The following CYP39A1 variants were observed in gnomAD, a reference collection of about 807,000 sequenced individuals.
CYP39A1 encodes the protein 24-hydroxycholesterol 7-alpha-hydroxylase.
Under a neutral mutation model 58.1 loss-of-function variants are expected in CYP39A1, and 49 were observed. The ratio of observed to expected loss-of-function variants is 0.84; its 90% CI spans 0.67 to 1.07. CYP39A1 has a LOEUF of 1.07. Among genes scored for constraint, CYP39A1 ranks in the 50% least tolerant of loss-of-function variants. CYP39A1 has a pLI of 0.00. For synonymous variants in CYP39A1, 209 were observed against 187.6 expected (o/e 1.11, Z -0.93); for missense variants, 531 against 539.4 (o/e 0.98, Z 0.16).
chr6:46,569,444 GT>G (rs1440290209), intron 10 of CYP39A1, among the ~76,000 whole-genome samples: 1 of 151,922 alleles, frequency 6.6e-6, no homozygotes, highest in Non-Finnish European at 1.5e-5. Flanking sequence ...TCCTTGTCTT[GT>G]TCCTGGTCAT....
chr6:46,628,193 C>T (rs113131478), intron 6 of CYP39A1, among the ~76,000 whole-genome samples: 1 of 152,214 alleles, frequency 6.6e-6, no homozygotes, highest in African/African-American at 2.4e-5. Flanking sequence ...AGAGAGTCTT[C>T]TACCGATCAT....
At chr6:46,597,969 C>A (rs1472674387) in intron 7 of CYP39A1, among the ~76,000 whole-genome samples, 1 of 152,118 alleles carries the variant, frequency 6.6e-6, no homozygotes, top group Non-Finnish European at 1.5e-5. Flanking sequence ...CATTGCCCAA[C>A]AAAACTGTTG....
intron 6 of CYP39A1, among the ~76,000 whole-genome samples, chr6:46,628,914 G>A (rs1246189100): frequency 1.3e-5 from 2 of 152,202 alleles, no homozygotes; most frequent in East Asian, 1.9e-4. Flanking sequence ...GAAGACCTAT[G>A]CTGAACCAGG....
chr6:46,575,007 A>C (rs1771777130), intron 10 of CYP39A1, among the ~76,000 whole-genome samples: 1 of 152,006 alleles, frequency 6.6e-6, no homozygotes, highest in Admixed American at 6.6e-5. Flanking sequence ...AAAGTAGAGA[A>C]AGTTGGGAAC....
intron 1 of CYP39A1, among the ~76,000 whole-genome samples, chr6:46,643,164 T>C (rs1404430494): frequency 6.6e-6 from 1 of 152,182 alleles, no homozygotes; most frequent in Non-Finnish European, 1.5e-5. Flanking sequence ...GAAAAAAAAG[T>C]CATCATTTTT....
intron 10 of CYP39A1, among the ~76,000 whole-genome samples, chr6:46,557,933 CAA>C (rs1186594398): frequency 5.3e-5 from 2 of 37,640 alleles, no homozygotes; most frequent in Non-Finnish European, 5.4e-5. Context: ...GACTCCATCT[CAA>C]AAAAAAAAAA....
At chr6:46,559,343 C>T (rs1442582871) in intron 10 of CYP39A1, among the ~76,000 whole-genome samples, 1 of 152,142 alleles carries the variant, frequency 6.6e-6, no homozygotes, top group African/African-American at 2.4e-5. Context: ...GACTATTTTG[C>T]AAAAGAGACA....
chr6:46,586,936 T>C (rs1772502041), intron 10 of CYP39A1, 141 bp downstream of exon 10: 3 of 658,872 alleles, frequency 4.6e-6, no homozygotes, highest in South Asian at 2.0e-5. Context: ...GGACCACAGA[T>C]AAACCAGACA....
chr6:46,616,516 A>G (rs1404407740), intron 7 of CYP39A1, among the ~76,000 whole-genome samples: 1 of 151,922 alleles, frequency 6.6e-6, no homozygotes, highest in Non-Finnish European at 1.5e-5. Context: ...TATAGGCATG[A>G]GCCATCATGC....
chr6:46,598,216 T>C (rs1162370062), intron 7 of CYP39A1, among the ~76,000 whole-genome samples: 1 of 152,150 alleles, frequency 6.6e-6, no homozygotes, highest in Non-Finnish European at 1.5e-5. Context: ...ATAAAACAGT[T>C]ATTTACACTG....
At chr6:46,641,629 A>T (rs1314328195) in intron 2 of CYP39A1, among the ~76,000 whole-genome samples, 1 of 152,224 alleles carries the variant, frequency 6.6e-6, no homozygotes, top group East Asian at 1.9e-4. Flanking sequence ...AGACAGCCAT[A>T]CTGGAAGCAT....
Position 46,570,737 on chromosome 6 carries a change from T to G in CYP39A1, c.1250+16340A>C, listed in dbSNP as rs189040169. ...AGGGAGAGAGAATGCAAGAGAGAAA[T>G]GGGAGAGGTTCCAAACTCTTTTTAA... On this transcript the variant is annotated intron_variant, in intron 10 of 11. Coordinates refer to ENST00000275016, the MANE Select transcript of CYP39A1 (RefSeq NM_016593.5). Among the ~76,000 whole-genome samples the G allele has an allele frequency of 2.6e-5, 4 of 152,116 alleles. No individual in the cohort carries two copies. The East Asian group carries it at 7.7e-4, about 29-fold the overall frequency.
At chr6:46,563,831 G>A (rs1771108653) in intron 10 of CYP39A1, among the ~76,000 whole-genome samples, 2 of 152,132 alleles carry the variant, frequency 1.3e-5, no homozygotes, top group African/African-American at 2.4e-5. Context: ...ACGCTCTGGG[G>A]AGGACATTCT....
intron 7 of CYP39A1, among the ~76,000 whole-genome samples, chr6:46,621,472 A>G (rs796854969): frequency 2.6e-5 from 4 of 152,306 alleles, no homozygotes; most frequent in African/African-American, 9.6e-5. Flanking sequence ...AAAATCAGGA[A>G]TGAAATATTT....
chr6:46,581,523 G>A (rs1772133906), intron 10 of CYP39A1, among the ~76,000 whole-genome samples: 1 of 152,032 alleles, frequency 6.6e-6, no homozygotes, highest in African/African-American at 2.4e-5. Flanking sequence ...CAGCAACATG[G>A]ATACAGCTGA....
rs9349368 is a variant in CYP39A1 at position 46,572,717 on chromosome 6, G to T, written c.1250+14360C>A. On this transcript the variant is annotated intron_variant, in intron 10 of 11. Coordinates refer to ENST00000275016, the MANE Select transcript of CYP39A1 (RefSeq NM_016593.5). Reference sequence around the variant, plus strand: ...AATGTCCATATCTCTCTCAGGGTTCGGGAAAATTTGAGCCATAATTTATTT... The same window carrying T: ...AATGTCCATATCTCTCTCAGGGTTCTGGAAAATTTGAGCCATAATTTATTT... 2.0e-5 allele frequency among the ~76,000 whole-genome samples: 3 copies of T among 151,940 alleles called. No individual in the cohort carries two copies. The South Asian group carries it at 6.2e-4, about 32-fold the overall frequency.
intron 10 of CYP39A1, among the ~76,000 whole-genome samples, chr6:46,581,285 C>T (rs1172301946): frequency 1.3e-5 from 2 of 151,944 alleles, no homozygotes; most frequent in East Asian, 3.8e-4. Context: ...ATGGCATGTG[C>T]CTGTAGGCCC....
At chr6:46,625,541 ACTT>A in intron 6 of CYP39A1, 33 bp from the exon 7 acceptor site, 1 of 1,517,356 alleles carries the variant, frequency 6.6e-7, no homozygotes, top group Non-Finnish European at 9.1e-7. Flanking sequence ...AAAAATATGA[ACTT>A]CTTTGAAGGT....
chr6:46,652,279 G>A, intron 1 of CYP39A1, 127 bp downstream of exon 1: 4 of 908,296 alleles, frequency 4.4e-6, no homozygotes, highest in Non-Finnish European at 6.4e-6. Flanking sequence ...GAAATGACTA[G>A]ATCCTTTAGT....
Sources: allele counts gnomAD v4.1 joint callset (sites outside exome capture counted in the v4.1 genomes callset), GRCh38; gene constraint gnomAD v4.1.1; transcripts MANE v1.5; gene names NCBI Gene and HGNC (gene_info 2026-07-23, HGNC 2026-07-21).